Variants in RAI2 observed in about 807,000 individuals in gnomAD.
RAI2 encodes retinoic acid induced 2.
In RAI2, 5 loss-of-function variants were observed where a neutral mutation model predicts 15.3. That is an observed-to-expected ratio of 0.33 (90% CI 0.17 to 0.69). The LOEUF is 0.69. Among genes scored for constraint, RAI2 ranks in the 30% least tolerant of loss-of-function variants. The probability of loss-of-function intolerance (pLI) is 0.69; values close to 1 mark genes in which losing one functional copy is unlikely to be tolerated. For synonymous variants in RAI2, 191 were observed against 184.0 expected, an observed-to-expected ratio of 1.04 and a Z score of -0.31; for missense variants, 424 against 424.7, an observed-to-expected ratio of 1.00 and a Z score of 0.01.
chrX:17,832,516 G>A (rs766328691), intron 1 of RAI2, among the ~76,000 whole-genome samples: 2 of 111,996 alleles, frequency 1.8e-5, no homozygotes, highest in Non-Finnish European at 3.8e-5. Context: ...ACACTGCCTG[G>A]TCAGCTTCTT....
intron 1 of RAI2, among the ~76,000 whole-genome samples, chrX:17,846,481 T>C (rs1227296471): frequency 2.7e-5 from 3 of 112,088 alleles, no homozygotes; most frequent in Admixed American, 1.9e-4. Context: ...TTAAAGCGTA[T>C]GTATTTGTGA....
intron 1 of RAI2, among the ~76,000 whole-genome samples, chrX:17,856,431 C>T (rs2067605970): frequency 8.9e-6 from 1 of 112,102 alleles, no homozygotes; most frequent in Non-Finnish European, 1.9e-5. Flanking sequence ...CCCCTTCTAC[C>T]ATGTGAGGGC....
chrX:17,818,492 G>A (rs2067129435), intron 1 of RAI2, among the ~76,000 whole-genome samples: 1 of 76,902 alleles, frequency 1.3e-5, no homozygotes. Context: ...AAGAGCACCA[G>A]GAATGCTAGA....
chrX:17,846,697 G>C (rs1459105228), intron 1 of RAI2, among the ~76,000 whole-genome samples: 1 of 111,282 alleles, frequency 9.0e-6, no homozygotes, highest in Non-Finnish European at 1.9e-5. Flanking sequence ...CTGGCTGCAG[G>C]GGGAGGGGAG....
At chrX:17,811,094 A>G (rs1445836557) in intron 1 of RAI2, among the ~76,000 whole-genome samples, 1 of 112,659 alleles carries the variant, frequency 8.9e-6, no homozygotes, top group Non-Finnish European at 1.9e-5. Flanking sequence ...AAGGGGTGAT[A>G]TTCATGCAAG....
chrX:17,831,979 T>C (rs990000431), intron 1 of RAI2, among the ~76,000 whole-genome samples: 3 of 112,048 alleles, frequency 2.7e-5, no homozygotes, highest in Non-Finnish European at 5.6e-5. Context: ...CATTGCCTTA[T>C]TGTCTCTAAT....
chrX:17,838,095 T>C (rs1176324321), intron 1 of RAI2, among the ~76,000 whole-genome samples: 1 of 112,563 alleles, frequency 8.9e-6, no homozygotes, highest in Non-Finnish European at 1.9e-5. Flanking sequence ...CTATACTGCA[T>C]GATCCTGTTC....
chrX:17,827,613 G>A (rs147705203), intron 1 of RAI2, among the ~76,000 whole-genome samples: 2 of 111,923 alleles, frequency 1.8e-5, no homozygotes, highest in African/African-American at 3.2e-5. Context: ...GAGCTGGAAC[G>A]TGAACTTATT....
intron 1 of RAI2, among the ~76,000 whole-genome samples, chrX:17,844,706 A>AT (rs957646396): frequency 8.9e-6 from 1 of 112,664 alleles, no homozygotes; most frequent in African/African-American, 3.2e-5. Flanking sequence ...AAATCCCTGC[A>AT]TGTGATACAA....
chrX:17,816,435 G>A (rs2067108558), intron 1 of RAI2, among the ~76,000 whole-genome samples: 2 of 112,195 alleles, frequency 1.8e-5, no homozygotes, highest in Non-Finnish European at 3.8e-5. Flanking sequence ...GAGAGCAGGT[G>A]GGAGTAGAGA....
intron 1 of RAI2, among the ~76,000 whole-genome samples, chrX:17,822,270 G>A (rs776641369): frequency 3.6e-5 from 4 of 111,800 alleles, no homozygotes; most frequent in African/African-American, 6.5e-5. Context: ...AAATATTAAC[G>A]TCGGGGTTTA....
chrX:17,800,827 G>A lies in RAI2; in HGVS notation c.1184C>T (p.Pro395Leu), dbSNP rs139682593. The A allele has an allele frequency of 5.8e-5, 70 of 1,209,786 alleles. No homozygotes were observed. The highest frequency in any genetic ancestry group is 7.5e-5 in the Non-Finnish European group (67 of 895,060). The change falls in exon 2 of 2, where the codon CCA becomes CTA. Residue 395 changes from proline (P) to leucine (L), a missense_variant. Coordinates refer to ENST00000451717, the MANE Select transcript of RAI2 (RefSeq NM_021785.6). ...GCTGATGTGACTATCCATCATGGCT[G>A]GGGCCTCATGGGACGTGGCAGGGGC... ...SFAPATSHEA[P>L]AMMDSHISSS... is the part of the protein sequence containing the mutation.
intron 1 of RAI2, among the ~76,000 whole-genome samples, chrX:17,808,185 T>G (rs2067003534): frequency 9.0e-6 from 1 of 111,565 alleles, no homozygotes; most frequent in Non-Finnish European, 1.9e-5. Context: ...AGCCAAAAGA[T>G]TGAATACCCC....
intron 1 of RAI2, among the ~76,000 whole-genome samples, chrX:17,806,481 A>C (rs1036144607): frequency 9.0e-6 from 1 of 111,554 alleles, no homozygotes; most frequent in Non-Finnish European, 1.9e-5. Flanking sequence ...GAAGCAGGCA[A>C]CCTGGATCTG....
At chrX:17,814,075 G>A (rs940727907) in intron 1 of RAI2, among the ~76,000 whole-genome samples, 3 of 110,850 alleles carry the variant, frequency 2.7e-5, no homozygotes, top group Non-Finnish European at 5.7e-5. Flanking sequence ...AATTTATTTG[G>A]GAGAAGATCC....
intron 1 of RAI2, among the ~76,000 whole-genome samples, chrX:17,803,806 A>AC (rs2066947857): frequency 1.8e-5 from 2 of 110,993 alleles, no homozygotes; most frequent in African/African-American, 6.6e-5. Flanking sequence ...CTGGCCAGTA[A>AC]CCCCCTTGGG....
chrX:17,860,362 A>G (rs1222511607), intron 1 of RAI2: 1 of 112,565 alleles, frequency 8.9e-6, no homozygotes, highest in Non-Finnish European at 1.9e-5. Context: ...CTCCCTCCGC[A>G]GCAAAAGGCG....
chrX:17,829,620 G>A (rs142672210), intron 1 of RAI2, among the ~76,000 whole-genome samples: 2,352 of 112,457 alleles, frequency 0.021, 66 homozygotes, highest in African/African-American at 0.072. Flanking sequence ...AAGATGTTTC[G>A]CAAGCATTGT....
chrX:17,845,646 T>C (rs950505005), intron 1 of RAI2, among the ~76,000 whole-genome samples: 1 of 112,407 alleles, frequency 8.9e-6, no homozygotes, highest in Non-Finnish European at 1.9e-5. Flanking sequence ...GAAAGGAAGC[T>C]TTTGAAAACT....
Sources: allele counts gnomAD v4.1 joint callset (sites outside exome capture counted in the v4.1 genomes callset), GRCh38; gene constraint gnomAD v4.1.1; transcripts MANE v1.5; gene names NCBI Gene and HGNC (gene_info 2026-07-23, HGNC 2026-07-21).